The following AGO1 variants were observed in gnomAD, a reference collection of about 807,000 sequenced individuals.
The protein encoded by AGO1 is protein argonaute-1.
Under a neutral mutation model 109.2 loss-of-function variants are expected in AGO1, and 11 were observed. That is an observed-to-expected ratio of 0.10 (90% confidence interval 0.06 to 0.17). The LOEUF (loss-of-function observed/expected upper bound fraction) is 0.17. Among genes scored for constraint, AGO1 ranks in the 10% least tolerant of loss-of-function variants. The pLI is 1.00. For synonymous variants in AGO1, 422 were observed against 418.6 expected (o/e 1.01, Z -0.10); for missense variants, 574 against 1,140.3 (o/e 0.50, Z 7.15).
In AGO1 at chr1:35,888,489, G is replaced by A; in HGVS notation, c.88G>A (p.Gly30Ser). ...CCAGGCACCTCGCCGGCCTGGCATT[G>A]GCACTGTGGGGAAACCAATCAAGCT... Reference protein sequence around the residue: ...VFQAPRRPGIGTVGKPIKLLA... With the variant: ...VFQAPRRPGISTVGKPIKLLA... Residue 30 changes from glycine (G) to serine (S), a missense_variant, in exon 2 of 19, where the codon GGC becomes AGC. Gly to Ser is a moderately conservative substitution (Grantham distance 56). Transcript: ENST00000373204. The surrounding 1 kb of genome is among the most constrained non-coding windows in gnomAD (Gnocchi z 4.1). The A allele has an allele frequency of 1.9e-6, 3 of 1,614,226 alleles. No individual in the cohort carries two copies. Among genetic ancestry groups the A allele is most frequent in the Non-Finnish European group, 2.5e-6 (3 of 1,180,030 alleles).
At chr1:35,876,602 T>C (rs2148703832) in intron 1 of AGO1, among the ~76,000 whole-genome samples, 1 of 152,218 alleles carries the variant, frequency 6.6e-6, no homozygotes, top group East Asian at 1.9e-4. Context: ...GAAAGTGATT[T>C]CTTGAGGTGA....
chr1:35,876,874 C>T (rs1374495198), intron 1 of AGO1, among the ~76,000 whole-genome samples: 2 of 152,142 alleles, frequency 1.3e-5, no homozygotes, highest in Admixed American at 1.3e-4. Flanking sequence ...CTTCGACCAC[C>T]TGGGCTGGGC....
rs898638537 is a variant in AGO1, at chr1:35,921,699, C to T, written c.*2092C>T. ...TGTTCTGGTTGGCTACATTGTTCAGCAACTCACAAAACGTAGCACAAACAT... is the reference window on the plus strand; with the variant it reads ...TGTTCTGGTTGGCTACATTGTTCAGTAACTCACAAAACGTAGCACAAACAT... On this transcript the variant is annotated 3_prime_UTR_variant, in exon 19 of 19. Coordinates refer to ENST00000373204, the MANE Select transcript of AGO1 (RefSeq NM_012199.5). 3.3e-5 allele frequency: 5 copies of T among 152,680 alleles called. No homozygotes were observed. The highest frequency in any genetic ancestry group is 2.4e-5 in the African/African-American group (1 of 41,462). The allele number at this position is 152,680 out of a possible 1,614,324, so 9.5% of individuals were successfully genotyped here.
Position 35,893,570 on chromosome 1 carries a change from G to T in AGO1, c.513-104G>T. On this transcript the variant is annotated intron_variant, in intron 4 of 18. Coordinates refer to ENST00000373204, the MANE Select transcript of AGO1 (RefSeq NM_012199.5). This position sits in a 1 kb window ranked among gnomAD's most constrained non-coding sequence, Gnocchi z 5.6. ...GTAAAGCATCAGAGCTGGCATTAAAGCCCCGGTGTCCTGCCTTTCAGGCCA... is the reference window on the plus strand; with the variant it reads ...GTAAAGCATCAGAGCTGGCATTAAATCCCCGGTGTCCTGCCTTTCAGGCCA... The T allele has an allele frequency of 1.6e-6, 2 of 1,246,310 alleles. No individual in the cohort carries two copies. Among genetic ancestry groups the T allele is most frequent in the Non-Finnish European group, 2.2e-6 (2 of 915,686 alleles). 77.2% of individuals were successfully genotyped at this position (1,246,310 alleles called of 1,614,324 possible). A position where few individuals can be genotyped will look rare whatever the true frequency, so the allele number is the denominator to read the frequency against.
At chr1:35,906,520 CAG>C (rs576953566) in intron 11 of AGO1, among the ~76,000 whole-genome samples, 1 of 152,068 alleles carries the variant, frequency 6.6e-6, no homozygotes, top group Non-Finnish European at 1.5e-5. Flanking sequence ...GTTAGAATCT[CAG>C]TGTTAGCTGG....
chr1:35,929,407 A>G lies in AGO1; in HGVS notation c.*9800A>G, dbSNP rs1279007528. On this transcript the variant is annotated 3_prime_UTR_variant, in exon 19 of 19. Coordinates refer to ENST00000373204, the MANE Select transcript of AGO1 (RefSeq NM_012199.5). ...TGTTGAAAAAGACTAGCCCACCCCA[A>G]AGGTTTATCACTGTCACCATGTCTA... 6.6e-6 allele frequency: 1 copy of G among 152,196 alleles called. No homozygotes were observed. Among genetic ancestry groups the G allele is most frequent in the Non-Finnish European group, 1.5e-5 (1 of 68,028 alleles). 9.4% of individuals were successfully genotyped at this position (152,196 alleles called of 1,614,324 possible). A position where few individuals can be genotyped will look rare whatever the true frequency, so the allele number is the denominator to read the frequency against.
chr1:35,893,852 A>T lies in AGO1; in HGVS notation c.649+42A>T, dbSNP rs772212579. On this transcript the variant is annotated intron_variant, in intron 5 of 18. Coordinates refer to ENST00000373204, the MANE Select transcript of AGO1 (RefSeq NM_012199.5). This position sits in a 1 kb window ranked among gnomAD's most constrained non-coding sequence, Gnocchi z 5.6. ...ATGGAGCCAGGGGCACCCCAAGTCCAGTGACCACACTCCCAGCCTCATCCC... is the reference window on the plus strand; with the variant it reads ...ATGGAGCCAGGGGCACCCCAAGTCCTGTGACCACACTCCCAGCCTCATCCC... The T allele has an allele frequency of 6.3e-7, 1 of 1,591,246 alleles. No individual in the cohort carries two copies. Among genetic ancestry groups the T allele is most frequent in the Admixed American group, 1.7e-5 (1 of 59,134 alleles).
chr1:35,890,546 T>C (rs1236284713), intron 2 of AGO1, among the ~76,000 whole-genome samples: 1 of 152,214 alleles, frequency 6.6e-6, no homozygotes, highest in Non-Finnish European at 1.5e-5. Flanking sequence ...ATATAACTTA[T>C]GTAATAAATC....
chr1:35,870,423 A>G (rs1644939515), intron 1 of AGO1, among the ~76,000 whole-genome samples: 1 of 152,014 alleles, frequency 6.6e-6, no homozygotes. Context: ...AGCTGGGACT[A>G]TAGGCGCCCG....
At chr1:35,881,123 C>G (rs1309570632), upstream of AGO1, among the ~76,000 whole-genome samples, 4 of 152,140 alleles carry the variant, frequency 2.6e-5, no homozygotes, top group Non-Finnish European at 5.9e-5. Context: ...ATATTGAAAC[C>G]GAGACAGTCT....
At chr1:35,877,424 TC>T (rs1419334339) in intron 1 of AGO1, among the ~76,000 whole-genome samples, 5 of 152,186 alleles carry the variant, frequency 3.3e-5, no homozygotes, top group African/African-American at 1.2e-4. Flanking sequence ...TTCCTGCTCA[TC>T]CTCACAGGCC....
intron 12 of AGO1, among the ~76,000 whole-genome samples, chr1:35,907,933 T>C (rs1645554758): frequency 6.6e-6 from 1 of 152,278 alleles, no homozygotes; most frequent in Admixed American, 6.5e-5. Flanking sequence ...GAGGCTAGTC[T>C]GGGCAACAAA....
chr1:35,915,317 TA>T (rs1361587627), intron 14 of AGO1, 30 bp from the exon 15 acceptor site: 1 of 1,597,830 alleles, frequency 6.3e-7, no homozygotes, highest in South Asian at 1.1e-5. Context: ...GTGAAGGTTC[TA>T]GGAGCTAATC....
rs1157779349 is a variant in AGO1 at position 35,923,999 on chromosome 1, G to A, written c.*4392G>A. On this transcript the variant is annotated 3_prime_UTR_variant, in exon 19 of 19. Coordinates refer to ENST00000373204, the MANE Select transcript of AGO1 (RefSeq NM_012199.5). ...ATGTGATGTTGCACTTAGCAGCCAT[G>A]TGGTGGGCATGTGTGACTACTCTGG... The A allele has an allele frequency of 6.5e-6, 1 of 152,708 alleles. No individual in the cohort carries two copies. Among genetic ancestry groups the A allele is most frequent in the Non-Finnish European group, 1.5e-5 (1 of 68,070 alleles). The allele number at this position is 152,708 out of a possible 1,614,324, so 9.5% of individuals were successfully genotyped here.
chr1:35,917,978 C>T (rs1234224100), intron 16 of AGO1, among the ~76,000 whole-genome samples: 1 of 152,138 alleles, frequency 6.6e-6, no homozygotes, highest in Non-Finnish European at 1.5e-5. Context: ...TATAGACCAG[C>T]TCCTAGAGAA....
chr1:35,894,744 G>C (rs1645288394), intron 7 of AGO1, among the ~76,000 whole-genome samples: 1 of 152,126 alleles, frequency 6.6e-6, no homozygotes, highest in Non-Finnish European at 1.5e-5. Flanking sequence ...TGGGCTCCTT[G>C]GGGAAGCTGT....
chr1:35,914,765 A>T (rs1035837719), intron 14 of AGO1, among the ~76,000 whole-genome samples: 5 of 152,164 alleles, frequency 3.3e-5, no homozygotes, highest in African/African-American at 1.2e-4. Context: ...TATATTTCCT[A>T]AACCCTCACA....
intron 11 of AGO1, among the ~76,000 whole-genome samples, chr1:35,903,007 T>C (rs1341023123): frequency 4.0e-5 from 6 of 150,044 alleles, no homozygotes; most frequent in African/African-American, 1.5e-4. Flanking sequence ...GTCTTTTTTT[T>C]TTTTTTTTTT....
chr1:35,878,674 G>T (rs1220252914), upstream of AGO1, among the ~76,000 whole-genome samples: 1 of 152,022 alleles, frequency 6.6e-6, no homozygotes, highest in Non-Finnish European at 1.5e-5. Flanking sequence ...CTTAACTCAG[G>T]TTATTTTGTA....
Sources: gnomAD v4.1 joint callset for allele counts (sites outside exome capture counted in the v4.1 genomes callset) on GRCh38, gnomAD v4.1.1 for gene constraint, Gnocchi (gnomAD v3.1) non-coding constraint, MANE v1.5 for transcripts, NCBI Gene and HGNC (gene_info 2026-07-23, HGNC 2026-07-21) for gene names.